The following CFAP251 variants were observed in gnomAD, a reference collection of about 807,000 sequenced individuals.
CFAP251 encodes cilia- and flagella-associated protein 251.
CFAP251 carries 93 observed loss-of-function variants against 126.7 expected under a neutral mutation model. The observed-to-expected ratio is 0.73, with a 90% CI of 0.62 to 0.87. The LOEUF (loss-of-function observed/expected upper bound fraction) is 0.87. CFAP251 is among the 40% of genes least tolerant of loss of function. The probability of loss-of-function intolerance (pLI) is 0.00; values close to 1 mark genes in which losing one functional copy is unlikely to be tolerated. For missense variants in CFAP251, 1,287 were observed against 1,389.2 expected (o/e 0.93, Z 1.17); for synonymous variants, 503 against 506.9 (o/e 0.99, Z 0.10).
At chr12:121,921,752 G>A in intron 2 of CFAP251, 69 bp downstream of exon 2, 1 of 1,426,898 alleles carries the variant, frequency 7.0e-7, no homozygotes. Context: ...GTATAGGCCA[G>A]ACTATGGGAA....
chr12:122,003,558 G>A, intron 21 of CFAP251, 94 bp from the exon 22 acceptor site: 2 of 934,628 alleles, frequency 2.1e-6, no homozygotes, highest in Admixed American at 2.3e-5. Flanking sequence ...GGGCAACAGA[G>A]CAAGGCCCTG....
At chr12:121,969,547 G>T in intron 17 of CFAP251, 1 of 947,040 alleles carries the variant, frequency 1.1e-6, no homozygotes, top group Non-Finnish European at 1.3e-6. Flanking sequence ...GTACAGAGGT[G>T]TGATCATGGC....
intron 19 of CFAP251, among the ~76,000 whole-genome samples, chr12:121,987,972 A>AT (rs1882790337): frequency 6.6e-6 from 1 of 151,956 alleles, no homozygotes; most frequent in Non-Finnish European, 1.5e-5. Context: ...ATTTCAGGGC[A>AT]TTTTATTATT....
intron 5 of CFAP251, among the ~76,000 whole-genome samples, chr12:121,940,202 C>T (rs2135760967): frequency 6.6e-6 from 1 of 152,224 alleles, no homozygotes; most frequent in East Asian, 1.9e-4. Context: ...TTACAAATTC[C>T]TAAAAAATGA....
chr12:121,996,570 A>G (rs1224675594), intron 19 of CFAP251, among the ~76,000 whole-genome samples: 2 of 152,176 alleles, frequency 1.3e-5, no homozygotes, highest in Admixed American at 6.5e-5. Flanking sequence ...CTGGCCCCGC[A>G]TTTCCACTTA....
At chr12:121,980,592 C>T (rs1228974046) in intron 19 of CFAP251, among the ~76,000 whole-genome samples, 2 of 152,054 alleles carry the variant, frequency 1.3e-5, no homozygotes, top group African/African-American at 4.8e-5. Context: ...GAGCCATCCA[C>T]CCTCCTTAGC....
intron 8 of CFAP251, chr12:121,950,823 G>T (rs1881493512): frequency 6.6e-6 from 1 of 151,906 alleles, no homozygotes; most frequent in African/African-American, 2.4e-5. Flanking sequence ...CTCCCAAAGT[G>T]CTGAGATTAT....
chr12:121,923,478 C>T, intron 2 of CFAP251, 144 bp from the exon 3 acceptor site: 3 of 1,134,214 alleles, frequency 2.6e-6, no homozygotes, highest in South Asian at 1.6e-5. Flanking sequence ...TTTTTAAGTA[C>T]AAAATGTTCC....
chr12:121,959,163 A>C lies in CFAP251; in HGVS notation c.2133+69A>C, dbSNP rs770035251. ...TATTTGAAACCAAAAGAGGCCAGAC[A>C]TAGTAGCTAACACCTGTAATCCCAA... On this transcript the variant is annotated intron_variant, in intron 13 of 21. Transcript: ENST00000288912. 10 of 1,458,300 alleles carry C rather than the reference A, an allele frequency of 6.9e-6. No homozygotes were observed. The African/African-American group carries it at 7.1e-5, about 10-fold the overall frequency. The allele number at this position is 1,458,300 out of a possible 1,614,324, so 90.3% of individuals were successfully genotyped here.
chr12:121,932,075 T>A, intron 4 of CFAP251, 189 bp downstream of exon 4: 1 of 460,580 alleles, frequency 2.2e-6, no homozygotes, highest in East Asian at 3.9e-5. Flanking sequence ...CTAATCAGAA[T>A]CAACTTACAA....
chr12:121,979,259 A>G (rs1410561665), intron 19 of CFAP251, among the ~76,000 whole-genome samples: 2 of 152,218 alleles, frequency 1.3e-5, no homozygotes, highest in South Asian at 4.1e-4. Flanking sequence ...GCATTTTGTC[A>G]TAGCACATTG....
chr12:121,927,668 A>G (rs2135747771), intron 3 of CFAP251, among the ~76,000 whole-genome samples: 1 of 152,238 alleles, frequency 6.6e-6, no homozygotes, highest in Middle Eastern at 3.4e-3. Context: ...TCTTGCTGTC[A>G]CACAAGGTCC....
At chr12:122,001,299 G>T (rs558779039) in intron 20 of CFAP251, among the ~76,000 whole-genome samples, 198 bp from the exon 21 acceptor site, 1 of 151,652 alleles carries the variant, frequency 6.6e-6, no homozygotes, top group Non-Finnish European at 1.5e-5. Context: ...CAAGTGATAC[G>T]CCCACCTTGG....
At position 121,989,135 on chromosome 12, in the gene CFAP251, C is replaced by A. The variant is rs942723623; in HGVS notation, c.3007-10581C>A. Reference sequence around the variant, plus strand: ...AGCTGTGGACACAGAATTAGCAAATCCTTGATTGTGGGTTTGGTACAAGGT... The same window carrying A: ...AGCTGTGGACACAGAATTAGCAAATACTTGATTGTGGGTTTGGTACAAGGT... On this transcript the variant is annotated intron_variant, in intron 19 of 21. Transcript: ENST00000288912. This position sits in a 1 kb window ranked among gnomAD's most constrained non-coding sequence, Gnocchi z 4.2. Among the ~76,000 whole-genome samples the A allele has an allele frequency of 6.6e-6, 1 of 152,188 alleles. No individual in the cohort carries two copies. Among genetic ancestry groups the A allele is most frequent in the African/African-American group, 2.4e-5 (1 of 41,436 alleles).
intron 5 of CFAP251, among the ~76,000 whole-genome samples, chr12:121,938,625 C>T (rs978778419): frequency 4.0e-5 from 6 of 150,102 alleles, no homozygotes; most frequent in African/African-American, 4.9e-5. Flanking sequence ...CCACCATGCC[C>T]GGCTCATCTG....
At chr12:121,967,090 A>C (rs768862309) in intron 16 of CFAP251, 21 bp downstream of exon 16, 34 of 1,593,008 alleles carry the variant, frequency 2.1e-5, no homozygotes, top group Admixed American at 3.3e-5. Context: ...TCTCTTCTCC[A>C]GTTCTGGGAG....
At chr12:121,936,532 A>T (rs937043683) in intron 5 of CFAP251, among the ~76,000 whole-genome samples, 1 of 144,270 alleles carries the variant, frequency 6.9e-6, no homozygotes, top group African/African-American at 2.9e-5. Flanking sequence ...GTGCTGGGCA[A>T]GATGATGCCT....
intron 7 of CFAP251, among the ~76,000 whole-genome samples, chr12:121,943,262 G>A (rs888814467): frequency 2.6e-5 from 4 of 152,032 alleles, no homozygotes; most frequent in Non-Finnish European, 5.9e-5. Flanking sequence ...GCAGTGAGCC[G>A]AGACTGCGCC....
intron 19 of CFAP251, among the ~76,000 whole-genome samples, chr12:121,996,612 C>T (rs957659503): frequency 1.4e-4 from 21 of 152,134 alleles, no homozygotes; most frequent in Admixed American, 7.2e-4. Context: ...TTTTCTCATT[C>T]GAGAAAAATT....
Sources: gnomAD v4.1 joint callset for allele counts (sites outside exome capture counted in the v4.1 genomes callset) on GRCh38, gnomAD v4.1.1 for gene constraint, Gnocchi (gnomAD v3.1) non-coding constraint, MANE v1.5 for transcripts, NCBI Gene and HGNC (gene_info 2026-07-23, HGNC 2026-07-21) for gene names.